CLCN4: variants seen among roughly 807,000 people sequenced by gnomAD.
The protein encoded by CLCN4 is Cl-/H+ antiporter 4.
In CLCN4, 1 loss-of-function variant was observed where a neutral mutation model predicts 41.7. That is an observed-to-expected ratio of 0.02 (90% CI 0.01 to 0.11). The LOEUF is 0.11. Ranked by LOEUF, CLCN4 falls within the 10% of genes least tolerant of loss-of-function variation. CLCN4 has a pLI of 1.00. For missense variants in CLCN4, 287 were observed against 661.0 expected (o/e 0.43, Z 6.20); for synonymous variants, 277 against 285.8 (o/e 0.97, Z 0.31).
At chrX:10,203,525 C>A (rs149071272) in intron 6 of CLCN4, among the ~76,000 whole-genome samples, 1 of 111,931 alleles carries the variant, frequency 8.9e-6, no homozygotes, top group East Asian at 2.8e-4. Context: ...CTCCCCAAAT[C>A]GCCCAAGGTG....
intron 1 of CLCN4, 36 bp from the exon 2 acceptor site, chrX:10,158,253 C>G (rs1414821411): frequency 6.9e-6 from 2 of 287,957 alleles, no homozygotes; most frequent in Admixed American, 1.2e-4. Flanking sequence ...TGGATTTCTC[C>G]TCCTGTGTGT....
chrX:10,181,690 A>T (rs1280967769), intron 2 of CLCN4, among the ~76,000 whole-genome samples: 1 of 111,693 alleles, frequency 9.0e-6, no homozygotes, highest in Non-Finnish European at 1.9e-5. Context: ...GATCTAGGTG[A>T]TTTCCTGCTT....
At position 10,213,529 on chromosome X, in the gene CLCN4, G is replaced by A. The variant is rs778677780; in HGVS notation, c.1577-152G>A. ...CCACATTTGACAGGGCCTGGCCTGG[G>A]TTCCAGAGGCCCAGTGTAGGAAGCA... On this transcript the variant is annotated intron_variant, in intron 10 of 12. Coordinates refer to ENST00000380833, the MANE Select transcript of CLCN4 (RefSeq NM_001830.4). 7 of 522,046 alleles carry A rather than the reference G, an allele frequency of 1.3e-5. No homozygotes were observed. The African/African-American group carries it at 1.6e-4, about 12-fold the overall frequency. 43.0% of individuals were successfully genotyped at this position (522,046 alleles called of 1,213,427 possible).
chrX:10,178,723 C>T (rs1923597363), intron 2 of CLCN4, among the ~76,000 whole-genome samples: 2 of 111,437 alleles, frequency 1.8e-5, no homozygotes, highest in South Asian at 7.5e-4. Context: ...TATGTAGTAG[C>T]CACTGGGGCC....
At chrX:10,168,242 G>C (rs769105160) in intron 2 of CLCN4, among the ~76,000 whole-genome samples, 10 of 112,141 alleles carry the variant, frequency 8.9e-5, no homozygotes, top group Non-Finnish European at 1.9e-4. Flanking sequence ...GGGTTTGGCT[G>C]TCTGGGCGTT....
intron 2 of CLCN4, among the ~76,000 whole-genome samples, chrX:10,169,419 G>A (rs1923326470): frequency 9.0e-6 from 1 of 111,146 alleles, no homozygotes; most frequent in African/African-American, 3.3e-5. Flanking sequence ...CCTGTGGCTG[G>A]ATATCAGGAG....
chrX:10,183,719 G>A (rs916181493), intron 2 of CLCN4, among the ~76,000 whole-genome samples: 2 of 112,288 alleles, frequency 1.8e-5, no homozygotes, highest in Non-Finnish European at 3.8e-5. Context: ...GGGAGATGGT[G>A]TTGGTTCACT....
At chrX:10,233,013 A>T (rs1259323562) in intron 12 of CLCN4, among the ~76,000 whole-genome samples, 1 of 112,341 alleles carries the variant, frequency 8.9e-6, no homozygotes, top group Non-Finnish European at 1.9e-5. Flanking sequence ...AGTTTTGACA[A>T]TGCCTTTCAT....
chrX:10,224,474 TA>T (rs112509633), intron 12 of CLCN4, among the ~76,000 whole-genome samples: 6,333 of 101,427 alleles, frequency 0.062, 247 homozygotes, highest in South Asian at 0.36. Flanking sequence ...AAAAAGTGTT[TA>T]AAAAAAAAAA....
At chrX:10,188,377 A>G (rs986243294) in intron 4 of CLCN4, among the ~76,000 whole-genome samples, 5 of 112,502 alleles carry the variant, frequency 4.4e-5, no homozygotes, top group African/African-American at 1.6e-4. Flanking sequence ...GCACCATGCT[A>G]GACACCCACG....
Position 10,158,384 on chromosome X carries a change from C to T in CLCN4, c.-179C>T, listed in dbSNP as rs1349318441. 1 of 295,874 alleles carries T rather than the reference C, an allele frequency of 3.4e-6. No homozygotes were observed. The highest frequency in any genetic ancestry group is 6.1e-5 in the Admixed American group (1 of 16,497). 24.4% of individuals were successfully genotyped at this position (295,874 alleles called of 1,213,427 possible). ...CCTCACCTCCCGGGACTTCCAGGGTCTTCCCCCCACCCCGCGCACACCTCC... is the reference window on the plus strand; with the variant it reads ...CCTCACCTCCCGGGACTTCCAGGGTTTTCCCCCCACCCCGCGCACACCTCC... On this transcript the variant is annotated 5_prime_UTR_variant, in exon 2 of 13. Coordinates refer to ENST00000380833, the MANE Select transcript of CLCN4 (RefSeq NM_001830.4).
At chrX:10,203,346 A>G (rs1924290540) in intron 6 of CLCN4, among the ~76,000 whole-genome samples, 2 of 111,643 alleles carry the variant, frequency 1.8e-5, no homozygotes, top group Admixed American at 1.9e-4. Flanking sequence ...AACTACCACT[A>G]GTTAAGGACG....
intron 2 of CLCN4, among the ~76,000 whole-genome samples, chrX:10,169,201 A>G (rs1363610291): frequency 3.6e-5 from 4 of 111,923 alleles, no homozygotes; most frequent in African/African-American, 1.3e-4. Flanking sequence ...CAGTGTATCT[A>G]CATTTATTTC....
intron 2 of CLCN4, among the ~76,000 whole-genome samples, chrX:10,173,716 C>T (rs905801355): frequency 8.9e-6 from 1 of 112,049 alleles, no homozygotes; most frequent in Non-Finnish European, 1.9e-5. Context: ...ATGCCCCAGA[C>T]CTGCTGAATC....
Position 10,185,190 on chromosome X carries a change from C to G in CLCN4, c.144+14C>G, listed in dbSNP as rs1034659760. ...AGACACAGGAAGGTAGGTGGCATTC[C>G]GAAAGGACACACTGCAAATGGCTAA... On this transcript the variant is annotated intron_variant, in intron 3 of 12. Coordinates refer to ENST00000380833, the MANE Select transcript of CLCN4 (RefSeq NM_001830.4). 8.4e-7 allele frequency: 1 copy of G among 1,187,791 alleles called. No homozygotes were observed.
At chrX:10,165,558 G>A (rs192273078) in intron 2 of CLCN4, among the ~76,000 whole-genome samples, 16 of 111,967 alleles carry the variant, frequency 1.4e-4, no homozygotes, top group Non-Finnish European at 1.9e-4. Context: ...CTGGTCCTGG[G>A]TGCTGGGCCT....
intron 8 of CLCN4, among the ~76,000 whole-genome samples, chrX:10,207,064 T>C (rs1419647073): frequency 9.1e-6 from 1 of 110,486 alleles, no homozygotes; most frequent in Non-Finnish European, 1.9e-5. Flanking sequence ...GGACTATAGG[T>C]GCACGCCACC....
At chrX:10,219,941 ACTTTT>A (rs1924816806) in intron 11 of CLCN4, among the ~76,000 whole-genome samples, 1 of 112,205 alleles carries the variant, frequency 8.9e-6, no homozygotes, top group African/African-American at 3.2e-5. Context: ...CTGTTACCCT[ACTTTT>A]CTTCAGCTTT....
At chrX:10,204,291 C>G (rs1467079531) in intron 6 of CLCN4, among the ~76,000 whole-genome samples, 1 of 111,941 alleles carries the variant, frequency 8.9e-6, no homozygotes, top group Non-Finnish European at 1.9e-5. Context: ...CAAGATAACA[C>G]TCCCTATAGT....
Sources: allele counts gnomAD v4.1 joint callset (sites outside exome capture counted in the v4.1 genomes callset), GRCh38; gene constraint gnomAD v4.1.1; transcripts MANE v1.5; gene names NCBI Gene and HGNC (gene_info 2026-07-23, HGNC 2026-07-21).